The following PTCH1 variants were observed in gnomAD, a reference collection of about 807,000 sequenced individuals.
The protein encoded by PTCH1 is patched 1.
PTCH1 carries 14 observed loss-of-function variants against 144.6 expected under a neutral mutation model. The ratio of observed to expected loss-of-function variants is 0.10; its 90% CI spans 0.06 to 0.15. PTCH1 has a LOEUF of 0.15. Ranked by LOEUF, PTCH1 falls within the 10% of genes least tolerant of loss-of-function variation. The pLI is 1.00. For missense variants in PTCH1, 1,623 were observed against 1,948.3 expected (o/e 0.83, Z 3.14); for synonymous variants, 833 against 793.6 (o/e 1.05, Z -0.83).
chr9:95,505,404 G>C (rs1245689969), intron 2 of PTCH1, among the ~76,000 whole-genome samples: 1 of 152,118 alleles, frequency 6.6e-6, no homozygotes, highest in East Asian at 1.9e-4. Context: ...CCAAATAGCA[G>C]GATTTGGAAC....
chr9:95,471,082 CAAA>C (rs767837358), intron 12 of PTCH1, among the ~76,000 whole-genome samples: 1 of 126,716 alleles, frequency 7.9e-6, no homozygotes, highest in African/African-American at 2.7e-5. Flanking sequence ...GAGTCTGTCT[CAAA>C]AAAAAAAAAG....
intron 1 of PTCH1, 191 bp downstream of exon 1, chr9:95,507,970 C>T: frequency 6.7e-7 from 1 of 1,485,044 alleles, no homozygotes; most frequent in South Asian, 1.3e-5. Flanking sequence ...CCCTTTCCTC[C>T]CAGGACCAGA....
chr9:95,457,850 C>T (rs772033944), intron 18 of PTCH1, among the ~76,000 whole-genome samples, 163 bp downstream of exon 18: 1 of 152,166 alleles, frequency 6.6e-6, no homozygotes, highest in Non-Finnish European at 1.5e-5. Context: ...AGAGGTTCTA[C>T]CTTAACCATG....
At chr9:95,484,649 G>C (rs1299559287) in intron 3 of PTCH1, among the ~76,000 whole-genome samples, 1 of 152,202 alleles carries the variant, frequency 6.6e-6, no homozygotes, top group Non-Finnish European at 1.5e-5. Context: ...CCTAGGGGAG[G>C]TGATGGGGTT....
At position 95,444,859 on chromosome 9, in the gene PTCH1, AAAG is replaced by A. The variant is rs900676728; in HGVS notation, c.*1531_*1533del. 8 of 152,318 alleles carry A rather than the reference AAAG, an allele frequency of 5.3e-5. No homozygotes were observed. Among genetic ancestry groups the A allele is most frequent in the African/African-American group, 1.9e-4 (8 of 41,570 alleles). 9.4% of individuals were successfully genotyped at this position (152,318 alleles called of 1,614,324 possible). A position where few individuals can be genotyped will look rare whatever the true frequency, so the allele number is the denominator to read the frequency against. On this transcript the variant is annotated 3_prime_UTR_variant, in exon 24 of 24. Transcript: ENST00000331920. ...ATGAGGGAGCCCACACCTCAGAGCAAAAGAAGAGAACCAGTACAGAAGCAACTT... is the reference window on the plus strand; with the variant it reads ...ATGAGGGAGCCCACACCTCAGAGCAAAAGAGAACCAGTACAGAAGCAACTT...
chr9:95,485,676 G>A lies in PTCH1; in HGVS notation c.584+9C>T, dbSNP rs750895460. Reference sequence around the variant, plus strand: ...CTGCTCATTAGTAGGTGGACGCGGCGGGCCTTACCTGTTGTACATGTATAC... The same window carrying A: ...CTGCTCATTAGTAGGTGGACGCGGCAGGCCTTACCTGTTGTACATGTATAC... On this transcript the variant is annotated intron_variant, in intron 3 of 23. Coordinates refer to ENST00000331920, the MANE Select transcript of PTCH1 (RefSeq NM_000264.5). 4.3e-6 allele frequency: 7 copies of A among 1,613,984 alleles called. No homozygotes were observed. The highest frequency in any genetic ancestry group is 1.7e-4 in the Middle Eastern group (1 of 6,046).
chr9:95,473,399 G>A (rs545431892), intron 12 of PTCH1, among the ~76,000 whole-genome samples: 1 of 152,216 alleles, frequency 6.6e-6, no homozygotes, highest in Non-Finnish European at 1.5e-5. Context: ...AGTCAAACCT[G>A]ATACTGTTCA....
intron 2 of PTCH1, among the ~76,000 whole-genome samples, chr9:95,495,845 T>C (rs1191596333): frequency 2.0e-5 from 3 of 152,170 alleles, no homozygotes; most frequent in African/African-American, 7.2e-5. Context: ...TCCCAGGGAA[T>C]CATTTACCTA....
chr9:95,450,723 T>A (rs1838380797), intron 20 of PTCH1: 1 of 152,504 alleles, frequency 6.6e-6, no homozygotes, highest in Non-Finnish European at 1.5e-5. Flanking sequence ...CTCTGAATAC[T>A]CTTGTTTTGC....
At position 95,476,405 on chromosome 9, in the gene PTCH1, G is replaced by A. The variant is rs76556801; in HGVS notation, c.1603-246C>T. ...GAAAGCTGCAAGATAATGACTTAAC[G>A]CTTAAGTATAATTTTAAAAGGGAGT... On this transcript the variant is annotated intron_variant, in intron 11 of 23. Coordinates refer to ENST00000331920, the MANE Select transcript of PTCH1 (RefSeq NM_000264.5). The surrounding 1 kb of genome is among the most constrained non-coding windows in gnomAD (Gnocchi z 4.6). 0.011 allele frequency among the ~76,000 whole-genome samples: 1,647 copies of A among 152,220 alleles called. 27 individuals carry two copies. The highest frequency in any genetic ancestry group is 0.038 in the African/African-American group (1,566 of 41,534).
chr9:95,481,588 C>G (rs1484230209), intron 5 of PTCH1, among the ~76,000 whole-genome samples: 1 of 152,180 alleles, frequency 6.6e-6, no homozygotes, highest in Non-Finnish European at 1.5e-5. Context: ...TGAACCCACT[C>G]ACTAATAAAG....
chr9:95,448,556 G>T lies in PTCH1; in HGVS notation c.3804+513C>A, dbSNP rs185119759. Among the ~76,000 whole-genome samples, 641 of 152,282 alleles carry T rather than the reference G, an allele frequency of 4.2e-3. 5 individuals are homozygous for T. Among genetic ancestry groups the T allele is most frequent in the Middle Eastern group, 6.8e-3 (2 of 294 alleles). On this transcript the variant is annotated intron_variant, in intron 22 of 23. Transcript: ENST00000331920. ...TGCTCTTTCCTGCCACCTGGAACAT[G>T]AGCTTGGAGCCCCAAAAGCTATGGT...
At chr9:95,504,976 G>A (rs1484664687) in intron 2 of PTCH1, among the ~76,000 whole-genome samples, 1 of 152,216 alleles carries the variant, frequency 6.6e-6, no homozygotes, top group African/African-American at 2.4e-5. Context: ...TTATCTACCA[G>A]TGATACTGAA....
In PTCH1 at chr9:95,508,730, TC is replaced by T; in HGVS notation, c.-370del. 4 of 985,460 alleles carry T rather than the reference TC, an allele frequency of 4.1e-6. No individual in the cohort carries two copies. Among genetic ancestry groups the T allele is most frequent in the Non-Finnish European group, 4.8e-6 (4 of 830,396 alleles). 61.0% of individuals were successfully genotyped at this position (985,460 alleles called of 1,614,324 possible). On this transcript the variant is annotated 5_prime_UTR_variant, in exon 1 of 24. Transcript: ENST00000331920. ...GGCGCTTCCGCGGCACTCCTTGCGG[TC>T]CCCAACTCCCCCTACCCGCCCCCCG...
Position 95,449,047 on chromosome 9 carries a change from C to G in PTCH1, c.3804+22G>C. On this transcript the variant is annotated intron_variant, in intron 22 of 23. Transcript: ENST00000331920. This position sits in a 1 kb window ranked among gnomAD's most constrained non-coding sequence, Gnocchi z 5.3. ...TACCACGGTGGGAAGACCCCTCCCC[C>G]TGGTTCTGCAGAGTCACTTACAGTG... 6.2e-7 allele frequency: 1 copy of G among 1,613,438 alleles called. No homozygotes were observed. Among genetic ancestry groups the G allele is most frequent in the Non-Finnish European group, 8.5e-7 (1 of 1,179,414 alleles).
At chr9:95,490,208 T>G (rs1211984182) in intron 2 of PTCH1, among the ~76,000 whole-genome samples, 1 of 150,570 alleles carries the variant, frequency 6.6e-6, no homozygotes, top group East Asian at 2.0e-4. Flanking sequence ...ACATGGTGGC[T>G]CATGCCTGTA....
At chr9:95,448,028 G>A (rs550937263) in intron 22 of PTCH1, among the ~76,000 whole-genome samples, 10 of 152,326 alleles carry the variant, frequency 6.6e-5, no homozygotes, top group East Asian at 3.9e-4. Flanking sequence ...GGGCATTTTC[G>A]TCACTGCGGA....
upstream of PTCH1, among the ~76,000 whole-genome samples, chr9:95,511,113 A>C (rs916651951): frequency 6.7e-6 from 1 of 149,328 alleles, no homozygotes; most frequent in South Asian, 2.1e-4. Flanking sequence ...GTCCCTGCCC[A>C]TTCAGCGGCC....
intron 19 of PTCH1, among the ~76,000 whole-genome samples, chr9:95,455,299 T>C (rs28701981): frequency 0.43 from 65,991 of 152,170 alleles, 16,236 homozygotes; most frequent in African/African-American, 0.67. Flanking sequence ...CTGCAGCCTA[T>C]GTGGAGACAT....
Sources: allele counts gnomAD v4.1 joint callset (sites outside exome capture counted in the v4.1 genomes callset), GRCh38; gene constraint gnomAD v4.1.1; non-coding constraint Gnocchi (gnomAD v3.1); transcripts MANE v1.5; gene names NCBI Gene and HGNC (gene_info 2026-07-23, HGNC 2026-07-21).